Variants in MAGI1 observed in about 807,000 individuals in gnomAD.
The protein encoded by MAGI1 is membrane associated guanylate kinase, WW and PDZ domain containing 1.
A neutral mutation model predicts 139.9 loss-of-function variants in MAGI1; 58 were observed. That is an observed-to-expected ratio of 0.41 (90% CI 0.34 to 0.52). The LOEUF is 0.52. MAGI1 is among the 20% of genes least tolerant of loss of function. The pLI is 0.12. For missense variants in MAGI1, 1,874 were observed against 1,901.6 expected (o/e 0.99, Z 0.27); for synonymous variants, 812 against 737.9 (o/e 1.10, Z -1.63).
intron 1 of MAGI1, among the ~76,000 whole-genome samples, chr3:66,007,790 A>G (rs1363772541): frequency 6.6e-6 from 1 of 152,114 alleles, no homozygotes; most frequent in Non-Finnish European, 1.5e-5. Flanking sequence ...TGTATTTGCT[A>G]TACTTTCCTT....
chr3:65,607,445 C>T (rs774600982), intron 2 of MAGI1, among the ~76,000 whole-genome samples: 1 of 152,078 alleles, frequency 6.6e-6, no homozygotes, highest in Non-Finnish European at 1.5e-5. Flanking sequence ...ATGACCATTA[C>T]ACATCACAGC....
At chr3:65,631,203 T>C (rs924224666) in intron 1 of MAGI1, among the ~76,000 whole-genome samples, 5 of 152,100 alleles carry the variant, frequency 3.3e-5, no homozygotes, top group Non-Finnish European at 5.9e-5. Flanking sequence ...TTTGGTGACA[T>C]GATGGAGGAA....
chr3:65,547,226 C>T (rs193197843), intron 2 of MAGI1, among the ~76,000 whole-genome samples: 370 of 152,306 alleles, frequency 2.4e-3, no homozygotes, highest in African/African-American at 8.3e-3. Context: ...GATAGGAAAG[C>T]TGACTCTTAC....
chr3:65,766,787 G>T (rs890629306), intron 1 of MAGI1, among the ~76,000 whole-genome samples: 2 of 152,056 alleles, frequency 1.3e-5, no homozygotes, highest in African/African-American at 4.8e-5. Flanking sequence ...TACTCAGGAG[G>T]CTGAGGCAGG....
intron 1 of MAGI1, among the ~76,000 whole-genome samples, chr3:65,812,838 T>C (rs1432770359): frequency 6.7e-6 from 1 of 150,126 alleles, no homozygotes; most frequent in African/African-American, 2.5e-5. Context: ...AGCCTCCAAG[T>C]AGCTGGGACT....
chr3:65,566,115 A>T (rs1480043590), intron 2 of MAGI1, among the ~76,000 whole-genome samples: 2 of 149,062 alleles, frequency 1.3e-5, no homozygotes, highest in African/African-American at 4.9e-5. Flanking sequence ...TTAGCTGGGC[A>T]TGGTGGCAGG....
chr3:66,007,771 C>G (rs181412499), intron 1 of MAGI1, among the ~76,000 whole-genome samples: 20 of 151,372 alleles, frequency 1.3e-4, no homozygotes, highest in African/African-American at 2.7e-4. Context: ...ACAGCAATAA[C>G]CATTTCAGTG....
At chr3:65,442,687 G>A in intron 8 of MAGI1, 105 bp downstream of exon 8, 2 of 685,956 alleles carry the variant, frequency 2.9e-6, no homozygotes, top group East Asian at 2.6e-5. Flanking sequence ...AATTAATATT[G>A]TTAATTGGTT....
chr3:65,578,757 TA>T, intron 2 of MAGI1, among the ~76,000 whole-genome samples: 1 of 152,164 alleles, frequency 6.6e-6, no homozygotes, highest in Admixed American at 6.5e-5. Flanking sequence ...CCATCTCTAC[TA>T]AAAATACAAG....
At chr3:65,360,421 T>A (rs1940718914) in intron 22 of MAGI1, 1 of 974,772 alleles carries the variant, frequency 1.0e-6, no homozygotes, top group Non-Finnish European at 1.2e-6. Flanking sequence ...TCATATACAA[T>A]ATTTTGCCAT....
chr3:65,710,534 C>T (rs1223643520), intron 1 of MAGI1, among the ~76,000 whole-genome samples: 3 of 152,102 alleles, frequency 2.0e-5, no homozygotes, highest in Non-Finnish European at 2.9e-5. Context: ...ACCTCGGCCT[C>T]CCAAAGTGCT....
At chr3:65,782,462 T>C (rs760213596) in intron 1 of MAGI1, among the ~76,000 whole-genome samples, 1 of 152,078 alleles carries the variant, frequency 6.6e-6, no homozygotes, top group Non-Finnish European at 1.5e-5. Context: ...AGATAATAAG[T>C]ACATGTGTGT....
At position 66,013,114 on chromosome 3, in the gene MAGI1, T is replaced by C. The variant is rs1401286652; in HGVS notation, c.313+24882A>G. Reference sequence around the variant, plus strand: ...TGTGCTGTTTTCCCAAAGAAGAACTTCAATTCTGGCTGGGCACAGCGGCTC... The same window carrying C: ...TGTGCTGTTTTCCCAAAGAAGAACTCCAATTCTGGCTGGGCACAGCGGCTC... On this transcript the variant is annotated intron_variant, in intron 1 of 22. Coordinates refer to ENST00000402939, the MANE Select transcript of MAGI1 (RefSeq NM_001033057.2). Among the ~76,000 whole-genome samples the C allele has an allele frequency of 2.6e-5, 4 of 152,148 alleles. No individual in the cohort carries two copies. In the East Asian group the frequency reaches 7.7e-4, roughly 29 times the overall value.
chr3:65,612,752 A>T (rs931799443), intron 2 of MAGI1, among the ~76,000 whole-genome samples: 2 of 152,180 alleles, frequency 1.3e-5, no homozygotes, highest in African/African-American at 2.4e-5. Context: ...GAAATTTTTT[A>T]AAATATATTA....
intron 1 of MAGI1, among the ~76,000 whole-genome samples, chr3:65,780,818 T>G (rs264108): frequency 6.6e-6 from 1 of 151,944 alleles, no homozygotes; most frequent in Non-Finnish European, 1.5e-5. Context: ...CTAGCCCACA[T>G]GGGGCAGAAG....
chr3:65,508,546 T>A (rs2077403726), intron 2 of MAGI1, among the ~76,000 whole-genome samples: 1 of 152,186 alleles, frequency 6.6e-6, no homozygotes, highest in South Asian at 2.1e-4. Context: ...CCTTCCTTAT[T>A]TCAGAGATGT....
intron 2 of MAGI1, among the ~76,000 whole-genome samples, chr3:65,572,164 C>T (rs1050257392): frequency 2.0e-5 from 3 of 152,056 alleles, no homozygotes; most frequent in African/African-American, 7.2e-5. Context: ...TTATTATGTG[C>T]CAGGTACCAT....
intron 1 of MAGI1, among the ~76,000 whole-genome samples, chr3:65,950,106 A>ACAAAAC (rs2063757014): frequency 1.2e-5 from 1 of 84,204 alleles, no homozygotes; most frequent in Non-Finnish European, 2.0e-5. Flanking sequence ...AAAAAAAAAA[A>ACAAAAC]CAGAACTAGC....
intron 1 of MAGI1, among the ~76,000 whole-genome samples, chr3:65,629,832 C>T (rs903059337): frequency 6.6e-6 from 1 of 151,588 alleles, no homozygotes; most frequent in African/African-American, 2.4e-5. Context: ...CTTGTGGATG[C>T]TGAAAAAGTT....
Sources: allele counts gnomAD v4.1 joint callset (sites outside exome capture counted in the v4.1 genomes callset), GRCh38; gene constraint gnomAD v4.1.1; transcripts MANE v1.5; gene names NCBI Gene and HGNC (gene_info 2026-07-23, HGNC 2026-07-21).